COL24A1: variants seen among roughly 807,000 people sequenced by gnomAD.
COL24A1 encodes the protein collagen type XXIV alpha 1 chain.
COL24A1 carries 224 observed loss-of-function variants against 253.9 expected under a neutral mutation model. The observed-to-expected ratio is 0.88, with a 90% CI of 0.79 to 0.99. The LOEUF (loss-of-function observed/expected upper bound fraction) is 0.99. COL24A1 is among the 50% of genes least tolerant of loss of function. The pLI is 0.00. For synonymous variants in COL24A1, 685 were observed against 673.7 expected, an observed-to-expected ratio of 1.02 and a Z score of -0.26; for missense variants, 2,131 against 2,068.5, an observed-to-expected ratio of 1.03 and a Z score of -0.59.
intron 24 of COL24A1, among the ~76,000 whole-genome samples, chr1:85,952,692 A>G (rs1023497372): frequency 6.6e-6 from 1 of 152,196 alleles, no homozygotes; most frequent in African/African-American, 2.4e-5. Context: ...CTGGGAACAG[A>G]GCCAGGCTCA....
intron 20 of COL24A1, among the ~76,000 whole-genome samples, chr1:85,985,430 G>A (rs761534386): frequency 2.6e-5 from 4 of 151,728 alleles, no homozygotes; most frequent in Non-Finnish European, 4.4e-5. Context: ...CATAAAGAAC[G>A]TTGTATAAAA....
intron 20 of COL24A1, among the ~76,000 whole-genome samples, chr1:85,984,683 T>C (rs768136172): frequency 4.6e-5 from 7 of 151,908 alleles, no homozygotes; most frequent in Non-Finnish European, 1.0e-4. Context: ...ACTTCCTTCA[T>C]ACTTCTATTT....
intron 28 of COL24A1, among the ~76,000 whole-genome samples, chr1:85,897,433 T>C (rs1228152955): frequency 6.8e-6 from 1 of 147,302 alleles, no homozygotes; most frequent in African/African-American, 2.5e-5. Flanking sequence ...AAAAAAGAAA[T>C]AAAGTTTAGC....
intron 47 of COL24A1, among the ~76,000 whole-genome samples, chr1:85,790,321 T>C (rs912873649): frequency 2.0e-4 from 31 of 152,208 alleles, no homozygotes; most frequent in African/African-American, 7.2e-4. Context: ...TTCTTCTTGA[T>C]TGTACAGTTT....
At chr1:86,132,528 G>A (rs1417450827) in intron 2 of COL24A1, among the ~76,000 whole-genome samples, 1 of 152,036 alleles carries the variant, frequency 6.6e-6, no homozygotes, top group Non-Finnish European at 1.5e-5. Flanking sequence ...AATCCATCTT[G>A]AATTAATTTT....
At chr1:86,033,063 C>T (rs576689436) in intron 13 of COL24A1, among the ~76,000 whole-genome samples, 160 of 152,226 alleles carry the variant, frequency 1.1e-3, no homozygotes, top group African/African-American at 3.6e-3. Context: ...ATCAGTTCTA[C>T]TTTTATCTGC....
Position 86,125,260 on chromosome 1 carries a change from G to C in COL24A1, c.1076C>G (p.Ala359Gly). 6.2e-7 allele frequency: 1 copy of C among 1,613,456 alleles called. No homozygotes were observed. Among genetic ancestry groups the C allele is most frequent in the Non-Finnish European group, 8.5e-7 (1 of 1,179,758 alleles). Reference protein sequence around the residue: ...LSVTTHRISEAKMNTKEKFSS... With the variant: ...LSVTTHRISEGKMNTKEKFSS... Reference sequence around the variant, plus strand: ...AAATTTCTCTTTGGTATTCATTTTTGCCTCACTGATGCGATGAGTGGTCAC... The same window carrying C: ...AAATTTCTCTTTGGTATTCATTTTTCCCTCACTGATGCGATGAGTGGTCAC... Residue 359 changes from alanine (A) to glycine (G), a missense_variant, in exon 3 of 60, where the codon GCA (alanine) becomes GGA (glycine). Coordinates refer to ENST00000370571, the MANE Select transcript of COL24A1 (RefSeq NM_152890.7).
intron 31 of COL24A1, among the ~76,000 whole-genome samples, chr1:85,894,894 G>C (rs1162419719): frequency 5.3e-5 from 8 of 152,124 alleles, no homozygotes; most frequent in Non-Finnish European, 1.2e-4. Flanking sequence ...CAAATGCAGT[G>C]ACATTTACTA....
intron 12 of COL24A1, among the ~76,000 whole-genome samples, chr1:86,045,349 G>A (rs1213431987): frequency 2.0e-5 from 3 of 152,124 alleles, no homozygotes; most frequent in Admixed American, 1.3e-4. Context: ...GAAGTAATTC[G>A]TGTATTATGG....
chr1:86,111,225 A>G lies in COL24A1; in HGVS notation c.1599+1342T>C, dbSNP rs1441734525. On this transcript the variant is annotated intron_variant, in intron 5 of 59. Coordinates refer to ENST00000370571, the MANE Select transcript of COL24A1 (RefSeq NM_152890.7). Reference sequence around the variant, plus strand: ...TGTCTAGCTCGGGGTTTGTGGATACACCAATCAGCACTCTGTATCTAGCTA... The same window carrying G: ...TGTCTAGCTCGGGGTTTGTGGATACGCCAATCAGCACTCTGTATCTAGCTA... Among the ~76,000 whole-genome samples, 3 of 151,728 alleles carry G rather than the reference A, an allele frequency of 2.0e-5. No individual in the cohort carries two copies. The East Asian group carries it at 5.8e-4, about 29-fold the overall frequency.
intron 5 of COL24A1, among the ~76,000 whole-genome samples, chr1:86,097,896 G>A (rs561686198): frequency 6.6e-6 from 1 of 152,096 alleles, no homozygotes; most frequent in African/African-American, 2.4e-5. Flanking sequence ...CCACTTGGAT[G>A]TTAAATAGTG....
At chr1:85,742,427 C>T (rs748336946) in intron 57 of COL24A1, among the ~76,000 whole-genome samples, 3 of 152,024 alleles carry the variant, frequency 2.0e-5, no homozygotes, top group African/African-American at 4.8e-5. Flanking sequence ...CCACTGTGCC[C>T]GTCCTAGACC....
chr1:85,875,192 C>G (rs539251072), intron 34 of COL24A1, 85 bp downstream of exon 34: 1 of 1,196,620 alleles, frequency 8.4e-7, no homozygotes, highest in South Asian at 1.3e-5. Flanking sequence ...TTCAAGTTAG[C>G]AAATATAGGG....
At chr1:86,029,611 A>AT (rs199577782) in intron 14 of COL24A1, among the ~76,000 whole-genome samples, 17,705 of 129,448 alleles carry the variant, frequency 0.14, 1,583 homozygotes, top group South Asian at 0.24. Context: ...TATTTATTTG[A>AT]TTTTTTTTTT....
In COL24A1 at chr1:85,942,104, A is replaced by T. The variant is rs142117219; in HGVS notation, c.2562+19145T>A. ...AAGTGGAGATCATATAGGGAAAAAG[A>T]TGTTTTCAAGAGACTGCCTTTCTTC... On this transcript the variant is annotated intron_variant, in intron 24 of 59. Coordinates refer to ENST00000370571, the MANE Select transcript of COL24A1 (RefSeq NM_152890.7). Among the ~76,000 whole-genome samples the T allele has an allele frequency of 1.4e-4, 22 of 152,316 alleles. 1 individual carries two copies. The East Asian group carries it at 4.2e-3, about 29-fold the overall frequency.
chr1:85,841,226 T>C lies in COL24A1; in HGVS notation c.3623A>G (p.Glu1208Gly), dbSNP rs1676576518. The C allele has an allele frequency of 1.2e-6, 2 of 1,600,770 alleles. No homozygotes were observed. The highest frequency in any genetic ancestry group is 4.5e-5 in the East Asian group (2 of 44,122). Reference sequence around the variant, plus strand: ...TTATTTCAGAAAAAGACCTACTGGTTCACCTCGAGGCCCAGGTGGTCCTAG... The same window carrying C: ...TTATTTCAGAAAAAGACCTACTGGTCCACCTCGAGGCCCAGGTGGTCCTAG... ...TVLGPPGPRGEPGPVGDQGER... is the reference protein window; with the variant it reads ...TVLGPPGPRGGPGPVGDQGER... Residue 1208 changes from glutamate (E) to glycine (G), a missense_variant, in exon 42 of 60, where the codon GAA (glutamate) becomes GGA (glycine). By Grantham distance (98) the Glu-to-Gly change is moderately conservative (BLOSUM62 -2). Transcript: ENST00000370571.
chr1:85,855,417 T>C (rs1013109575), intron 37 of COL24A1, among the ~76,000 whole-genome samples: 15 of 152,174 alleles, frequency 9.9e-5, no homozygotes, highest in African/African-American at 3.1e-4. Context: ...AGGGTTAACA[T>C]TGAGGCACGT....
intron 24 of COL24A1, among the ~76,000 whole-genome samples, chr1:85,945,412 A>C (rs762872483): frequency 1.3e-5 from 2 of 151,590 alleles, no homozygotes; most frequent in Admixed American, 6.6e-5. Context: ...AGTTGAAACA[A>C]TTTTATTAAA....
At chr1:86,138,618 C>T (rs1650607649) in intron 2 of COL24A1, among the ~76,000 whole-genome samples, 2 of 152,186 alleles carry the variant, frequency 1.3e-5, no homozygotes, top group African/African-American at 4.8e-5. Context: ...TCCTGGCCTT[C>T]CACCATGATT....
Sources: allele counts gnomAD v4.1 joint callset (sites outside exome capture counted in the v4.1 genomes callset), GRCh38; gene constraint gnomAD v4.1.1; transcripts MANE v1.5; gene names NCBI Gene and HGNC (gene_info 2026-07-23, HGNC 2026-07-21).